The following PTPRD variants were observed in gnomAD, a reference collection of about 807,000 sequenced individuals.
PTPRD encodes protein tyrosine phosphatase receptor type D, also known as receptor-type tyrosine-protein phosphatase delta.
In PTPRD, 34 loss-of-function variants were observed where a neutral mutation model predicts 214.5. The observed-to-expected ratio is 0.16, with a 90% CI of 0.12 to 0.21. The LOEUF (loss-of-function observed/expected upper bound fraction) is 0.21. PTPRD is among the 10% of genes least tolerant of loss of function. The probability of loss-of-function intolerance (pLI) is 1.00; values close to 1 mark genes in which losing one functional copy is unlikely to be tolerated. For missense variants in PTPRD, 2,545 were observed against 2,398.7 expected, an observed-to-expected ratio of 1.06 and a Z score of -1.27; for synonymous variants, 1,128 against 845.7, an observed-to-expected ratio of 1.33 and a Z score of -5.79.
At chr9:8,714,916 C>A (rs184798813) in intron 12 of PTPRD, among the ~76,000 whole-genome samples, 3 of 151,870 alleles carry the variant, frequency 2.0e-5, no homozygotes, top group East Asian at 1.9e-4. Context: ...AATTTAGAGC[C>A]CCCTAGAATG....
At chr9:8,784,777 C>T (rs956498114) in intron 11 of PTPRD, among the ~76,000 whole-genome samples, 1 of 152,136 alleles carries the variant, frequency 6.6e-6, no homozygotes, top group African/African-American at 2.4e-5. Flanking sequence ...CTCTCCATAC[C>T]AAAAATGTCT....
chr9:9,845,198 C>G (rs1215485831), intron 5 of PTPRD, among the ~76,000 whole-genome samples: 1 of 109,496 alleles, frequency 9.1e-6, no homozygotes, highest in African/African-American at 3.6e-5. Flanking sequence ...ATATATATAG[C>G]TATATATATA....
chr9:8,500,071 G>C (rs1205365879), intron 24 of PTPRD, among the ~76,000 whole-genome samples: 1 of 140,180 alleles, frequency 7.1e-6, no homozygotes. Flanking sequence ...AAAAAAAATG[G>C]AAGAAAAAAA....
At chr9:8,478,904 C>A (rs1488248257) in intron 30 of PTPRD, among the ~76,000 whole-genome samples, 3 of 152,160 alleles carry the variant, frequency 2.0e-5, no homozygotes, top group East Asian at 3.8e-4. Flanking sequence ...CCAGAAATGA[C>A]AGCATGGTTT....
chr9:8,762,049 C>A (rs958009112), intron 11 of PTPRD, among the ~76,000 whole-genome samples: 3 of 152,126 alleles, frequency 2.0e-5, no homozygotes, highest in Admixed American at 1.3e-4. Flanking sequence ...GAGATTGAGA[C>A]TGAAGACTAA....
chr9:8,896,718 C>T (rs942345387), intron 11 of PTPRD, among the ~76,000 whole-genome samples: 5 of 152,130 alleles, frequency 3.3e-5, no homozygotes, highest in South Asian at 2.1e-4. Flanking sequence ...CCTGCATATA[C>T]GTAACTCCCA....
chr9:8,663,379 C>T (rs1033440403), intron 12 of PTPRD, among the ~76,000 whole-genome samples: 1 of 147,022 alleles, frequency 6.8e-6, no homozygotes, highest in African/African-American at 2.5e-5. Flanking sequence ...TTTTTATTTA[C>T]CAAACTAAAA....
intron 5 of PTPRD, among the ~76,000 whole-genome samples, chr9:9,794,230 C>CAT (rs1022306762): frequency 6.2e-4 from 92 of 148,110 alleles, no homozygotes; most frequent in African/African-American, 1.3e-3. Context: ...CGTACATATA[C>CAT]ATATATATAT....
chr9:8,589,259 C>T (rs1272715922), intron 14 of PTPRD, among the ~76,000 whole-genome samples: 2 of 152,162 alleles, frequency 1.3e-5, no homozygotes, highest in Admixed American at 6.5e-5. Context: ...TCAACATATA[C>T]CCTTCTGCTT....
At chr9:10,505,053 G>C (rs556801482) in intron 2 of PTPRD, among the ~76,000 whole-genome samples, 1 of 152,240 alleles carries the variant, frequency 6.6e-6, no homozygotes. Context: ...AGAGATTCTA[G>C]GATACCATCA....
chr9:9,081,338 G>T (rs2099758712), intron 10 of PTPRD, among the ~76,000 whole-genome samples: 1 of 152,114 alleles, frequency 6.6e-6, no homozygotes, highest in African/African-American at 2.4e-5. Context: ...GTTCTAATTT[G>T]ATTGCACTGT....
At chr9:9,709,695 A>C (rs548561618) in intron 7 of PTPRD, among the ~76,000 whole-genome samples, 3 of 152,028 alleles carry the variant, frequency 2.0e-5, no homozygotes, top group Non-Finnish European at 2.9e-5. Context: ...ATCAGAAGGA[A>C]AAATTTAAGC....
chr9:9,433,359 G>A (rs1325880192), intron 8 of PTPRD, among the ~76,000 whole-genome samples: 1 of 152,098 alleles, frequency 6.6e-6, no homozygotes, highest in African/African-American at 2.4e-5. Flanking sequence ...ATTACGTTGA[G>A]GATTTATAAT....
At chr9:10,478,740 A>G (rs2099078660) in intron 2 of PTPRD, among the ~76,000 whole-genome samples, 2 of 151,328 alleles carry the variant, frequency 1.3e-5, no homozygotes, top group South Asian at 4.1e-4. Context: ...GTATATGTAT[A>G]TAAATATATA....
intron 11 of PTPRD, among the ~76,000 whole-genome samples, chr9:8,883,619 G>A (rs780224414): frequency 1.3e-5 from 2 of 152,168 alleles, no homozygotes; most frequent in Admixed American, 1.3e-4. Flanking sequence ...GCTTGAAAGT[G>A]GAAGGAAGAA....
chr9:8,798,476 T>C (rs1421050140), intron 11 of PTPRD, among the ~76,000 whole-genome samples: 1 of 152,182 alleles, frequency 6.6e-6, no homozygotes, highest in East Asian at 1.9e-4. Flanking sequence ...TTCTGATATT[T>C]ACTCACAGGA....
intron 7 of PTPRD, among the ~76,000 whole-genome samples, chr9:9,641,461 T>A (rs2095948860): frequency 6.6e-6 from 1 of 152,144 alleles, no homozygotes; most frequent in Non-Finnish European, 1.5e-5. Flanking sequence ...CCCCATGAAC[T>A]GAGCACACTC....
At chr9:8,852,159 C>G (rs1037895227) in intron 11 of PTPRD, among the ~76,000 whole-genome samples, 8 of 152,108 alleles carry the variant, frequency 5.3e-5, no homozygotes, top group Admixed American at 4.6e-4. Flanking sequence ...CAAAGCAGTA[C>G]TGAGAAATGC....
At chr9:9,209,102 C>T (rs766475640) in intron 9 of PTPRD, among the ~76,000 whole-genome samples, 2 of 152,106 alleles carry the variant, frequency 1.3e-5, no homozygotes, top group Non-Finnish European at 2.9e-5. Context: ...GCCACCGCGA[C>T]CGGCTGACAA....
Sources: allele counts gnomAD v4.1 joint callset (sites outside exome capture counted in the v4.1 genomes callset), GRCh38; gene constraint gnomAD v4.1.1; transcripts MANE v1.5; gene names NCBI Gene and HGNC (gene_info 2026-07-23, HGNC 2026-07-21).